Variants in KDM4B observed in about 807,000 individuals in gnomAD.
KDM4B encodes lysine-specific demethylase 4B.
A neutral mutation model predicts 125.2 loss-of-function variants in KDM4B; 32 were observed. That is an observed-to-expected ratio of 0.26 (90% CI 0.19 to 0.34). KDM4B has a LOEUF of 0.34. Among genes scored for constraint, KDM4B ranks in the 10% least tolerant of loss-of-function variants. The pLI is 1.00. For missense variants in KDM4B, 1,190 were observed against 1,577.7 expected, an observed-to-expected ratio of 0.75 and a Z score of 4.16; for synonymous variants, 721 against 677.9, an observed-to-expected ratio of 1.06 and a Z score of -0.99.
intron 1 of KDM4B, among the ~76,000 whole-genome samples, chr19:5,005,845 G>A (rs532423901): frequency 5.9e-5 from 9 of 152,246 alleles, no homozygotes; most frequent in Non-Finnish European, 1.0e-4. Flanking sequence ...CCCCTGCTTG[G>A]CACTGGCCCT....
chr19:5,061,672 C>T (rs890315232), intron 6 of KDM4B, among the ~76,000 whole-genome samples: 2 of 151,926 alleles, frequency 1.3e-5, no homozygotes, highest in Non-Finnish European at 2.9e-5. Context: ...CGAGAACAGC[C>T]TGGGCAACAT....
chr19:5,130,898 C>G (rs1164769806), intron 11 of KDM4B, among the ~76,000 whole-genome samples, 178 bp from the exon 12 acceptor site: 1 of 152,256 alleles, frequency 6.6e-6, no homozygotes, highest in Admixed American at 6.5e-5. Context: ...CCAGGTGCCC[C>G]TGCGGTGATC....
intron 1 of KDM4B, among the ~76,000 whole-genome samples, chr19:4,979,285 A>G (rs2034558386): frequency 1.3e-5 from 2 of 152,178 alleles, no homozygotes; most frequent in Non-Finnish European, 2.9e-5. Context: ...CATGTCTCAA[A>G]AAAACCCCAA....
intron 10 of KDM4B, among the ~76,000 whole-genome samples, chr19:5,116,926 AG>A (rs2146006861): frequency 6.6e-6 from 1 of 152,316 alleles, no homozygotes; most frequent in African/African-American, 2.4e-5. Flanking sequence ...CCCAGAAACA[AG>A]CATTGGGTGC....
intron 1 of KDM4B, among the ~76,000 whole-genome samples, chr19:4,990,216 G>A (rs912407095): frequency 9.9e-5 from 15 of 152,138 alleles, no homozygotes; most frequent in African/African-American, 3.4e-4. Context: ...CTTGAACCCA[G>A]GAGGTTGAGG....
intron 10 of KDM4B, chr19:5,112,161 G>A (rs1421213276): frequency 1.8e-5 from 5 of 277,844 alleles, no homozygotes; most frequent in African/African-American, 1.1e-4. Context: ...GCTGAGGCAG[G>A]AAGATCACTT....
At chr19:5,054,010 G>A (rs754942008) in intron 6 of KDM4B, among the ~76,000 whole-genome samples, 3 of 152,274 alleles carry the variant, frequency 2.0e-5, no homozygotes, top group South Asian at 2.1e-4. Flanking sequence ...GATGGCGACT[G>A]TGGCCACAGC....
intron 6 of KDM4B, among the ~76,000 whole-genome samples, chr19:5,063,078 G>T (rs2061877246): frequency 6.6e-6 from 1 of 152,044 alleles, no homozygotes; most frequent in South Asian, 2.1e-4. Context: ...TGATGGGCAG[G>T]TTGTGTCCTC....
chr19:5,048,180 T>G (rs1157157953), intron 6 of KDM4B, among the ~76,000 whole-genome samples: 1 of 152,234 alleles, frequency 6.6e-6, no homozygotes, highest in Non-Finnish European at 1.5e-5. Context: ...GTGGTGGACC[T>G]GCCCCTGCCC....
intron 1 of KDM4B, among the ~76,000 whole-genome samples, chr19:5,005,362 A>C (rs2035524525): frequency 2.6e-5 from 4 of 152,156 alleles, no homozygotes; most frequent in African/African-American, 9.7e-5. Flanking sequence ...CAGTGTGGGC[A>C]CCTGTTCCTC....
At chr19:5,037,846 G>A (rs1400845340) in intron 3 of KDM4B, among the ~76,000 whole-genome samples, 1 of 152,234 alleles carries the variant, frequency 6.6e-6, no homozygotes, top group Non-Finnish European at 1.5e-5. Flanking sequence ...GCTCGCTGCG[G>A]CTGCTGCTGC....
chr19:5,139,096 A>G (rs1022324439), intron 18 of KDM4B, among the ~76,000 whole-genome samples: 10 of 151,410 alleles, frequency 6.6e-5, no homozygotes, highest in African/African-American at 2.4e-4. Flanking sequence ...TTAACTCCCA[A>G]TTTTTTTTTA....
chr19:5,032,551 G>A (rs141391286), intron 2 of KDM4B, among the ~76,000 whole-genome samples: 68 of 152,326 alleles, frequency 4.5e-4, no homozygotes, highest in East Asian at 3.7e-3. Flanking sequence ...CACCTGTGGC[G>A]TCCCTGATAC....
chr19:5,144,379 C>T lies in KDM4B; in HGVS notation c.2868C>T (p.Ser956=). The T allele has an allele frequency of 2.2e-6, 3 of 1,350,646 alleles. No individual in the cohort carries two copies. Among genetic ancestry groups the T allele is most frequent in the Non-Finnish European group, 2.9e-6 (3 of 1,031,086 alleles). The allele number at this position is 1,350,646 out of a possible 1,614,324, so 83.7% of individuals were successfully genotyped here. Residue 956 remains serine, a synonymous_variant, in exon 20 of 23, where the codon TCC becomes TCT. Coordinates refer to ENST00000159111, the MANE Select transcript of KDM4B (RefSeq NM_015015.3). The stretch of plus-strand genomic sequence containing the variant: ...ACGAAGTGAACTTCGACGATGGCTC[C>T]TACAGCGACAACCTGTACCCTGAGA... ...TCYEVNFDDG[S]YSDNLYPESI...
chr19:5,046,677 G>A (rs1016169957), intron 5 of KDM4B, among the ~76,000 whole-genome samples: 3 of 152,230 alleles, frequency 2.0e-5, no homozygotes, highest in Admixed American at 1.3e-4. Context: ...TGCCTGGTGG[G>A]TGGGGATTCC....
At chr19:5,106,524 C>G (rs2039038104) in intron 9 of KDM4B, among the ~76,000 whole-genome samples, 1 of 152,188 alleles carries the variant, frequency 6.6e-6, no homozygotes, top group Non-Finnish European at 1.5e-5. Context: ...GCACCCTCCT[C>G]CTCTGGGGGA....
intron 21 of KDM4B, among the ~76,000 whole-genome samples, chr19:5,146,968 ACT>A (rs1181512241): frequency 1.3e-5 from 2 of 149,084 alleles, no homozygotes; most frequent in Non-Finnish European, 3.0e-5. Flanking sequence ...AAAAACAAAA[ACT>A]CTGCTGGGAA....
At chr19:5,040,451 C>T (rs1380363543) in intron 4 of KDM4B, among the ~76,000 whole-genome samples, 1 of 152,102 alleles carries the variant, frequency 6.6e-6, no homozygotes, top group Non-Finnish European at 1.5e-5. Flanking sequence ...CATACACAGG[C>T]ACACACGGGT....
At position 4,996,652 on chromosome 19, in the gene KDM4B, CACA is replaced by C. The variant is rs1423274400; in HGVS notation, c.-108-19604_-108-19602del. Among the ~76,000 whole-genome samples, 636 of 152,270 alleles carry C rather than the reference CACA, an allele frequency of 4.2e-3. 7 individuals are homozygous for C. Among genetic ancestry groups the C allele is most frequent in the African/African-American group, 0.015 (604 of 41,556 alleles). The stretch of plus-strand genomic sequence containing the variant: ...GAGGTGGTCTGAATTTGTGCCCCTG[CACA>C]GTCATTGTGGGACAGTCATTGTGTT... On this transcript the variant is annotated intron_variant, in intron 1 of 22. Transcript: ENST00000159111.
Sources: gnomAD v4.1 joint callset for allele counts (sites outside exome capture counted in the v4.1 genomes callset) on GRCh38, gnomAD v4.1.1 for gene constraint, MANE v1.5 for transcripts, NCBI Gene and HGNC (gene_info 2026-07-23, HGNC 2026-07-21) for gene names.